The following NFIB variants were observed in gnomAD, a reference collection of about 807,000 sequenced individuals.
NFIB encodes nuclear factor I B.
Under a neutral mutation model 61.5 loss-of-function variants are expected in NFIB, and 11 were observed. The observed-to-expected ratio is 0.18, with a 90% confidence interval of 0.11 to 0.30. The LOEUF (loss-of-function observed/expected upper bound fraction) is 0.30. NFIB is among the 10% of genes least tolerant of loss of function. NFIB has a pLI of 1.00. For missense variants in NFIB, 471 were observed against 608.9 expected (o/e 0.77, Z 2.38); for synonymous variants, 260 against 216.5 (o/e 1.20, Z -1.76).
chr9:14,322,805 G>A (rs1032314606), intron 1 of NFIB, among the ~76,000 whole-genome samples: 1 of 152,022 alleles, frequency 6.6e-6, no homozygotes, highest in Admixed American at 6.5e-5. Flanking sequence ...GTGGGTAGCG[G>A]TGGGGCTCTG....
At chr9:14,297,802 C>T (rs2059530336) in intron 2 of NFIB, among the ~76,000 whole-genome samples, 1 of 152,026 alleles carries the variant, frequency 6.6e-6, no homozygotes, top group South Asian at 2.1e-4. Context: ...ATAGGAAAAT[C>T]ATGAACTATA....
chr9:14,194,152 C>T (rs1307347314), intron 2 of NFIB, among the ~76,000 whole-genome samples: 1 of 152,116 alleles, frequency 6.6e-6, no homozygotes, highest in Non-Finnish European at 1.5e-5. Flanking sequence ...TTCTAATGCA[C>T]ATTTATGAAT....
intron 3 of NFIB, among the ~76,000 whole-genome samples, chr9:14,157,409 A>C (rs1311933762): frequency 1.3e-5 from 2 of 152,080 alleles, no homozygotes; most frequent in Non-Finnish European, 2.9e-5. Context: ...CCACCCACCC[A>C]CCTTCTTTAG....
intron 6 of NFIB, among the ~76,000 whole-genome samples, chr9:14,137,463 G>A (rs968020904): frequency 2.0e-5 from 3 of 152,092 alleles, no homozygotes; most frequent in Admixed American, 6.6e-5. Context: ...TGTTAATGAC[G>A]GCTTTGGAAA....
At chr9:14,381,872 A>G (rs1357509771) in intron 1 of NFIB, among the ~76,000 whole-genome samples, 3 of 152,266 alleles carry the variant, frequency 2.0e-5, no homozygotes, top group Non-Finnish European at 4.4e-5. Flanking sequence ...TGAATGAATA[A>G]GGGTGAAACG....
At chr9:14,122,591 T>TTAAGGAAATACAAACATC (rs2039082326) in intron 7 of NFIB, among the ~76,000 whole-genome samples, 1 of 152,212 alleles carries the variant, frequency 6.6e-6, no homozygotes, top group African/African-American at 2.4e-5. Flanking sequence ...AAAGTATCAT[T>TTAAGGAAATACAAACATC]TAAGGAAATA....
At chr9:14,176,885 G>A (rs529358020) in intron 3 of NFIB, among the ~76,000 whole-genome samples, 2 of 152,216 alleles carry the variant, frequency 1.3e-5, no homozygotes, top group East Asian at 3.9e-4. Flanking sequence ...AGTCAACAGT[G>A]GGGAACAGAT....
the NFIB span, among the ~76,000 whole-genome samples, chr9:14,514,027 T>A: frequency 6.6e-6 from 1 of 152,248 alleles, no homozygotes; most frequent in Non-Finnish European, 1.5e-5. Context: ...AGGGCCTTAA[T>A]AATTTTTATC....
chr9:14,254,400 T>C (rs1163922315), intron 2 of NFIB, among the ~76,000 whole-genome samples: 1 of 152,204 alleles, frequency 6.6e-6, no homozygotes. Context: ...TGCATCTCAG[T>C]AGCTTCACAT....
intron 2 of NFIB, among the ~76,000 whole-genome samples, chr9:14,236,860 A>C (rs555772599): frequency 6.6e-6 from 1 of 151,970 alleles, no homozygotes; most frequent in Non-Finnish European, 1.5e-5. Flanking sequence ...TAAAAAAAAA[A>C]AAATAAAAAC....
intron 10 of NFIB, among the ~76,000 whole-genome samples, chr9:14,091,978 T>C (rs1247491099): frequency 1.3e-5 from 2 of 152,116 alleles, no homozygotes; most frequent in East Asian, 1.9e-4. Flanking sequence ...ATTTTCTTGC[T>C]ATTTTGACCA....
At chr9:14,502,286 A>C in the NFIB span, among the ~76,000 whole-genome samples, 5 of 152,168 alleles carry the variant, frequency 3.3e-5, no homozygotes, top group African/African-American at 9.7e-5. Flanking sequence ...TAGTTTTTCC[A>C]CCTAATGTCT....
chr9:14,268,427 G>T (rs1172813644), intron 2 of NFIB, among the ~76,000 whole-genome samples: 6 of 152,126 alleles, frequency 3.9e-5, no homozygotes, highest in Non-Finnish European at 8.8e-5. Context: ...ACAGGCTAAA[G>T]TCTAGTCACC....
intron 1 of NFIB, among the ~76,000 whole-genome samples, chr9:14,353,693 G>GGAGACCCGCAGGCGGT (rs2061141333): frequency 6.6e-6 from 1 of 152,142 alleles, no homozygotes; most frequent in Non-Finnish European, 1.5e-5. Context: ...GAGCTGACGT[G>GGAGACCCGCAGGCGGT]GAGACCCGCA....
At chr9:14,448,910 G>C in the NFIB span, among the ~76,000 whole-genome samples, 1 of 152,202 alleles carries the variant, frequency 6.6e-6, no homozygotes, top group Admixed American at 6.5e-5. Context: ...TTGGGAGATA[G>C]AGGGATATGC....
chr9:14,121,155 T>C (rs1228544312), intron 7 of NFIB, among the ~76,000 whole-genome samples: 2 of 152,144 alleles, frequency 1.3e-5, no homozygotes, highest in East Asian at 1.9e-4. Context: ...TCCCAGCTAC[T>C]TGGGAGCTTA....
intron 10 of NFIB, among the ~76,000 whole-genome samples, chr9:14,109,881 C>G (rs1001178929): frequency 6.6e-6 from 1 of 152,010 alleles, no homozygotes; most frequent in Non-Finnish European, 1.5e-5. Context: ...TTCTTCCAGT[C>G]AGAATAAACT....
chr9:14,422,530 GC>G, the NFIB span, among the ~76,000 whole-genome samples: 1 of 152,160 alleles, frequency 6.6e-6, no homozygotes, highest in Non-Finnish European at 1.5e-5. Context: ...TAAGCATCTA[GC>G]TTAAATTACT....
At chr9:14,440,518 T>C in the NFIB span, among the ~76,000 whole-genome samples, 5 of 152,182 alleles carry the variant, frequency 3.3e-5, no homozygotes, top group Admixed American at 6.5e-5. Flanking sequence ...TCAATGAATG[T>C]CAAAAATCAC....
Sources: allele counts gnomAD v4.1 joint callset (sites outside exome capture counted in the v4.1 genomes callset), GRCh38; gene constraint gnomAD v4.1.1; transcripts MANE v1.5; gene names NCBI Gene and HGNC (gene_info 2026-07-23, HGNC 2026-07-21).